The following ZNF831 variants were observed in gnomAD, a reference collection of about 807,000 sequenced individuals.
ZNF831 encodes zinc finger protein 831.
ZNF831 carries 59 observed loss-of-function variants against 95.8 expected under a neutral mutation model. The observed-to-expected ratio is 0.62, with a 90% CI of 0.50 to 0.77. The LOEUF (loss-of-function observed/expected upper bound fraction) is 0.77. Among genes scored for constraint, ZNF831 ranks in the 30% least tolerant of loss-of-function variants. ZNF831 has a pLI of 0.00. For synonymous variants in ZNF831, 961 were observed against 925.5 expected (o/e 1.04, Z -0.70); for missense variants, 2,205 against 2,164.0 (o/e 1.02, Z -0.38).
intron 1 of ZNF831, among the ~76,000 whole-genome samples, chr20:59,182,329 T>G (rs536442820): frequency 9.8e-5 from 15 of 152,322 alleles, no homozygotes; most frequent in Non-Finnish European, 2.1e-4. Flanking sequence ...TTTCAGCAGA[T>G]TTTTCCCATT....
rs1050781315 is a variant in ZNF831 at position 59,195,454 on chromosome 20, C to G, written c.3739-415C>G. Among the ~76,000 whole-genome samples, 11 of 152,310 alleles carry G rather than the reference C, an allele frequency of 7.2e-5. 1 individual carries two copies. Among genetic ancestry groups the G allele is most frequent in the Non-Finnish European group, 1.6e-4 (11 of 68,024 alleles). On this transcript the variant is annotated intron_variant, in intron 2 of 5. Transcript: ENST00000371030. ...GTGACAAAGGCCCGGAGACCAGAGTCTTGCAGGCTGTTCGGCTTTCCCTAG... is the reference window on the plus strand; with the variant it reads ...GTGACAAAGGCCCGGAGACCAGAGTGTTGCAGGCTGTTCGGCTTTCCCTAG...
intron 2 of ZNF831, among the ~76,000 whole-genome samples, chr20:59,151,671 G>T (rs981911548): frequency 1.3e-5 from 2 of 152,228 alleles, no homozygotes; most frequent in African/African-American, 2.4e-5. Context: ...ACTTTCTGAA[G>T]AGAGCACTGT....
At chr20:59,219,765 AC>A (rs1985956102) in intron 4 of ZNF831, among the ~76,000 whole-genome samples, 1 of 152,160 alleles carries the variant, frequency 6.6e-6, no homozygotes, top group Non-Finnish European at 1.5e-5. Context: ...ACTACTATGT[AC>A]TTATTTATCT....
intron 1 of ZNF831, among the ~76,000 whole-genome samples, chr20:59,173,680 T>C (rs1981923348): frequency 6.6e-6 from 1 of 152,188 alleles, no homozygotes; most frequent in African/African-American, 2.4e-5. Context: ...AGCTCAACAC[T>C]GTGCTCACAT....
intron 3 of ZNF831, among the ~76,000 whole-genome samples, chr20:59,198,576 G>C (rs1389241071): frequency 6.6e-6 from 1 of 152,202 alleles, no homozygotes; most frequent in Non-Finnish European, 1.5e-5. Flanking sequence ...TGTGGAACTA[G>C]ACGGCCTCTC....
At chr20:59,220,659 C>A (rs1482802303) in intron 4 of ZNF831, among the ~76,000 whole-genome samples, 51 of 152,342 alleles carry the variant, frequency 3.3e-4, no homozygotes, top group African/African-American at 1.2e-3. Flanking sequence ...TAGGTCTCAA[C>A]ATCTAGCTAG....
intron 2 of ZNF831, among the ~76,000 whole-genome samples, chr20:59,151,920 T>C (rs899926154): frequency 2.0e-5 from 3 of 152,168 alleles, no homozygotes; most frequent in African/African-American, 4.8e-5. Context: ...CTTGATTGAA[T>C]GGTTGAACAT....
At chr20:59,154,062 G>A (rs1211724059) in intron 2 of ZNF831, among the ~76,000 whole-genome samples, 1 of 152,152 alleles carries the variant, frequency 6.6e-6, no homozygotes, top group Non-Finnish European at 1.5e-5. Flanking sequence ...TAAAAAAAGT[G>A]CAGCTCTCAC....
chr20:59,228,788 C>T (rs946069872), intron 4 of ZNF831, among the ~76,000 whole-genome samples: 2 of 152,192 alleles, frequency 1.3e-5, no homozygotes, highest in African/African-American at 2.4e-5. Flanking sequence ...TTTCCATCAC[C>T]TCAAATGTTT....
In ZNF831 at chr20:59,194,085, G is replaced by T. The variant is rs55786258; in HGVS notation, c.3066G>T (p.Leu1022Phe). The change falls in exon 2 of 6, where the codon TTG (leucine) becomes TTT (phenylalanine). Residue 1022 changes from leucine to phenylalanine, a missense_variant. Leu to Phe is a conservative substitution (Grantham distance 22). Transcript: ENST00000371030. ...AGGATGGGAGAAAAGGGGCACAGTT[G>T]GGGGGGGACAAGGGGGACAGGATGG... ...RPQDGRKGAQ[L>F]GGDKGDRMAT... The T allele has an allele frequency of 6.5e-7, 1 of 1,537,912 alleles. No individual in the cohort carries two copies. The highest frequency in any genetic ancestry group is 8.8e-7 in the Non-Finnish European group (1 of 1,142,762).
chr20:59,206,863 T>A lies in ZNF831; in HGVS notation c.3876-42T>A, dbSNP rs566725726. The A allele has an allele frequency of 2.1e-5, 34 of 1,592,462 alleles. No individual in the cohort carries two copies. In the African/African-American group the frequency reaches 4.6e-4, roughly 21 times the overall value. On this transcript the variant is annotated intron_variant, in intron 3 of 5. Transcript: ENST00000371030. ...TTTCCAGATTTTTCCAGGCATGTGCTCTCCAGGCTGGTTACTGCAAGCATG... is the reference window on the plus strand; with the variant it reads ...TTTCCAGATTTTTCCAGGCATGTGCACTCCAGGCTGGTTACTGCAAGCATG...
At chr20:59,173,668 G>A (rs1298877229) in intron 1 of ZNF831, among the ~76,000 whole-genome samples, 1 of 152,218 alleles carries the variant, frequency 6.6e-6, no homozygotes, top group Non-Finnish European at 1.5e-5. Context: ...TCATTGTCAA[G>A]GAGCTCAACA....
rs372840406 is a variant in ZNF831 at position 59,194,086 on chromosome 20, G to A, written c.3067G>A (p.Gly1023Arg). The A allele has an allele frequency of 1.1e-5, 17 of 1,541,170 alleles. 1 individual carries two copies. The highest frequency in any genetic ancestry group is 6.3e-5 in the South Asian group (5 of 78,996). The change falls in exon 2 of 6, where the codon GGG becomes AGG. Residue 1023 changes from glycine (G) to arginine (R), a missense_variant. Transcript: ENST00000371030. ...PQDGRKGAQL[G>R]GDKGDRMATS... ...GGATGGGAGAAAAGGGGCACAGTTG[G>A]GGGGGGACAAGGGGGACAGGATGGC...
chr20:59,162,321 C>A (rs1980922755), upstream of ZNF831, among the ~76,000 whole-genome samples: 1 of 152,126 alleles, frequency 6.6e-6, no homozygotes, highest in South Asian at 2.1e-4. Context: ...GTCTTAAATT[C>A]TTTGTCTAGG....
chr20:59,193,239 C>T lies in ZNF831; in HGVS notation c.2220C>T (p.Pro740=), dbSNP rs780967224. 6.9e-6 allele frequency: 11 copies of T among 1,602,200 alleles called. No individual in the cohort carries two copies. The highest frequency in any genetic ancestry group is 9.4e-6 in the Non-Finnish European group (11 of 1,174,478). The change falls in exon 2 of 6, where the codon CCC becomes CCT. Residue 740 remains proline, a synonymous_variant. Transcript: ENST00000371030. The part of the protein sequence containing the change: ...SSPALGGRDS[P]CSGSRSPLVS... Reference sequence around the variant, plus strand: ...CTGCACTGGGTGGCAGAGACAGTCCCTGTTCAGGCAGTAGGAGCCCCCTGG... The same window carrying T: ...CTGCACTGGGTGGCAGAGACAGTCCTTGTTCAGGCAGTAGGAGCCCCCTGG...
intron 2 of ZNF831, among the ~76,000 whole-genome samples, chr20:59,150,287 G>A (rs866569496): frequency 9.2e-5 from 14 of 152,132 alleles, no homozygotes; most frequent in Non-Finnish European, 1.9e-4. Flanking sequence ...AACAGAGACC[G>A]TGTTCCTTTG....
In ZNF831 at chr20:59,191,178, G is replaced by A. The variant is rs1370679422; in HGVS notation, c.159G>A (p.Val53=). Residue 53 remains valine (V), a synonymous_variant, in exon 2 of 6, where the codon GTG becomes GTA. Coordinates refer to ENST00000371030, the MANE Select transcript of ZNF831 (RefSeq NM_178457.3). ...AGCAGGGCCTGGCCCCCCCCACTGT[G>A]TTCCTGAAGGCCCTGCCCATCCCAC... The part of the protein sequence containing the change: ...PPEQGLAPPT[V]FLKALPIPLY... The A allele has an allele frequency of 2.5e-6, 4 of 1,599,964 alleles. No individual in the cohort carries two copies. In the South Asian group the frequency reaches 4.5e-5, roughly 18 times the overall value.
At chr20:59,160,795 T>G (rs899378551), upstream of ZNF831, 4 of 144,496 alleles carry the variant, frequency 2.8e-5, no homozygotes, top group Admixed American at 6.7e-5. Context: ...CCTCCTGGTT[T>G]TGCTGCTTTT....
Position 59,193,870 on chromosome 20 carries a change from C to T in ZNF831, c.2851C>T (p.Pro951Ser), listed in dbSNP as rs1277338166. 6.2e-7 allele frequency: 1 copy of T among 1,612,210 alleles called. No individual in the cohort carries two copies. The highest frequency in any genetic ancestry group is 1.3e-5 in the African/African-American group (1 of 75,020). Residue 951 changes from proline to serine, a missense_variant, in exon 2 of 6, where the codon CCC (proline) becomes TCC (serine). Transcript: ENST00000371030. ...CCTCAGGTTACCTCAGGCAGAGACC[C>T]CCTTACCACTGCCCATTCCCTGGGG... Reference protein sequence around the residue: ...YLLRLPQAETPLPLPIPWGPR... With the variant: ...YLLRLPQAETSLPLPIPWGPR...
Sources: gnomAD v4.1 joint callset for allele counts (sites outside exome capture counted in the v4.1 genomes callset) on GRCh38, gnomAD v4.1.1 for gene constraint, MANE v1.5 for transcripts, NCBI Gene and HGNC (gene_info 2026-07-23, HGNC 2026-07-21) for gene names.